Variants in ENDOU observed in about 807,000 individuals in gnomAD.
ENDOU encodes the protein uridylate-specific endoribonuclease.
ENDOU carries 49 observed loss-of-function variants against 54.2 expected under a neutral mutation model. The observed-to-expected ratio is 0.90, with a 90% CI of 0.72 to 1.15. ENDOU has a LOEUF of 1.15. Among genes scored for constraint, ENDOU ranks in the 50% most tolerant of loss-of-function variants. The probability of loss-of-function intolerance (pLI) is 0.00; values close to 1 mark genes in which losing one functional copy is unlikely to be tolerated. For missense variants in ENDOU, 458 were observed against 511.4 expected (o/e 0.90, Z 1.01); for synonymous variants, 172 against 190.5 (o/e 0.90, Z 0.80).
intron 6 of ENDOU, among the ~76,000 whole-genome samples, chr12:47,714,329 G>A (rs1269559445): frequency 6.6e-6 from 1 of 152,178 alleles, no homozygotes; most frequent in Non-Finnish European, 1.5e-5. Flanking sequence ...AGCCACTGAA[G>A]GATTTTAAGC....
intron 2 of ENDOU, 125 bp from the exon 3 acceptor site, chr12:47,718,319 G>C: frequency 1.3e-6 from 1 of 741,028 alleles, no homozygotes; most frequent in Admixed American, 2.3e-5. Context: ...TTCTGAACAG[G>C]GGCTGGGGTC....
At position 47,718,187 on chromosome 12, in the gene ENDOU, G is replaced by C; in HGVS notation, c.186C>G (p.His62Gln). ...GCTGTGGCAATGGCTCTGACTCTTTGTGGTCCTCTGCAGGTAGATAGAAAA... is the reference window on the plus strand; with the variant it reads ...GCTGTGGCAATGGCTCTGACTCTTTCTGGTCCTCTGCAGGTAGATAGAAAA... ...EDYEHLCTED[H>Q]KESEPLPQLE... The change falls in exon 3 of 10, where the codon CAC becomes CAG. Residue 62 changes from histidine to glutamine, a missense_variant. Transcript: ENST00000422538. 6.3e-7 allele frequency: 1 copy of C among 1,580,190 alleles called. No homozygotes were observed. The highest frequency in any genetic ancestry group is 1.3e-5 in the African/African-American group (1 of 74,584).
chr12:47,715,907 G>C (rs1940208919), intron 6 of ENDOU, among the ~76,000 whole-genome samples: 1 of 152,098 alleles, frequency 6.6e-6, no homozygotes, highest in Admixed American at 6.6e-5. Flanking sequence ...TAGAGTCAGC[G>C]ACTCTACCTG....
chr12:47,711,811 GT>G lies in ENDOU; in HGVS notation c.973-37del, dbSNP rs751332778. ...AAGGGCAGAAAAGGGGGTCTGGTGA[GT>G]GCCACAGAGTGGAGTAGAACGGGTG... On this transcript the variant is annotated intron_variant, in intron 8 of 9. Transcript: ENST00000422538. The G allele has an allele frequency of 6.2e-6, 10 of 1,612,328 alleles. No homozygotes were observed. In the East Asian group the frequency reaches 6.7e-5, roughly 11 times the overall value.
chr12:47,721,295 C>CA (rs1555185854), intron 1 of ENDOU, among the ~76,000 whole-genome samples: 1 of 151,470 alleles, frequency 6.6e-6, no homozygotes, highest in Non-Finnish European at 1.5e-5. Flanking sequence ...AGAGCCTTCC[C>CA]TTTTTTTTTC....
At chr12:47,711,391 T>C (rs1214160747) in intron 9 of ENDOU, among the ~76,000 whole-genome samples, 2 of 152,206 alleles carry the variant, frequency 1.3e-5, no homozygotes, top group African/African-American at 4.8e-5. Flanking sequence ...ATTAAGGTCC[T>C]GCGTAAGATT....
At chr12:47,721,017 C>T (rs1031378800) in intron 1 of ENDOU, 142 bp from the exon 2 acceptor site, 20 of 734,990 alleles carry the variant, frequency 2.7e-5, no homozygotes, top group Admixed American at 7.7e-5. Flanking sequence ...GAAGTACATC[C>T]ACAGCCTCCC....
rs1939950128 is a variant in ENDOU, at chr12:47,710,583, C to T, written c.*219G>A. 1 of 482,158 alleles carries T rather than the reference C, an allele frequency of 2.1e-6. No individual in the cohort carries two copies. The highest frequency in any genetic ancestry group is 2.3e-5 in the South Asian group (1 of 43,116). The allele number at this position is 482,158 out of a possible 1,614,324, so 29.9% of individuals were successfully genotyped here. On this transcript the variant is annotated 3_prime_UTR_variant, in exon 10 of 10. Transcript: ENST00000422538. ...GACTCTGTTTCTTAGTCAACATTGC[C>T]AAAATTCTAGAGGATAAAGGTTTGA...
At chr12:47,720,958 C>T (rs1940415407) in intron 1 of ENDOU, 83 bp from the exon 2 acceptor site, 1 of 1,382,820 alleles carries the variant, frequency 7.2e-7, no homozygotes, top group Non-Finnish European at 9.9e-7. Flanking sequence ...GTTCACAGAC[C>T]AGGGCAGGAG....
In ENDOU at chr12:47,710,092, T is replaced by G. The variant is rs1010519577; in HGVS notation, c.*710A>C. On this transcript the variant is annotated 3_prime_UTR_variant, in exon 10 of 10. Coordinates refer to ENST00000422538, the MANE Select transcript of ENDOU (RefSeq NM_001172439.2). ...AAACTTCTTGTTGCAGATACTGAGC[T>G]GGACACAAAAACACTCAGGCCTGGA... 4 of 152,276 alleles carry G rather than the reference T, an allele frequency of 2.6e-5. No homozygotes were observed. The highest frequency in any genetic ancestry group is 4.4e-5 in the Non-Finnish European group (3 of 68,032). 9.4% of individuals were successfully genotyped at this position (152,276 alleles called of 1,614,324 possible).
intron 7 of ENDOU, among the ~76,000 whole-genome samples, chr12:47,712,893 G>A (rs1364744839): frequency 6.6e-6 from 1 of 152,118 alleles, no homozygotes; most frequent in Non-Finnish European, 1.5e-5. Context: ...GCCAGGCTTG[G>A]TGGGAGTTTT....
rs900321519 is a variant in ENDOU, at chr12:47,716,618, G to A, written c.552-119C>T. The A allele has an allele frequency of 9.2e-6, 8 of 869,158 alleles. No homozygotes were observed. The Admixed American group carries it at 1.8e-4, about 19-fold the overall frequency. The allele number at this position is 869,158 out of a possible 1,614,324, so 53.8% of individuals were successfully genotyped here. ...AGGGCTGGGTTCAGGAGCCGAGGGGGCACTTCGGGTACTCTTGAAAGTCAC... is the reference window on the plus strand; with the variant it reads ...AGGGCTGGGTTCAGGAGCCGAGGGGACACTTCGGGTACTCTTGAAAGTCAC... On this transcript the variant is annotated intron_variant, in intron 5 of 9. Transcript: ENST00000422538.
chr12:47,713,902 A>G (rs1940134197), intron 6 of ENDOU, among the ~76,000 whole-genome samples: 1 of 152,222 alleles, frequency 6.6e-6, no homozygotes, highest in Non-Finnish European at 1.5e-5. Context: ...GGCAGACTTG[A>G]GTTTGCTACT....
intron 6 of ENDOU, among the ~76,000 whole-genome samples, 198 bp downstream of exon 6, chr12:47,716,102 A>C (rs1940218931): frequency 6.6e-6 from 1 of 152,064 alleles, no homozygotes. Flanking sequence ...CAGCCAGAGG[A>C]TGTGCCAGCT....
rs748907427 is a variant in ENDOU, at chr12:47,716,865, A to G, written c.551+25T>C. On this transcript the variant is annotated intron_variant, in intron 5 of 9. Coordinates refer to ENST00000422538, the MANE Select transcript of ENDOU (RefSeq NM_001172439.2). ...AGGATAGGGGCAAGATTTAGGGGGT[A>G]GAAAGAGGAATTGTGGGAACTCACG... The G allele has an allele frequency of 2.5e-6, 4 of 1,612,392 alleles. No homozygotes were observed. The African/African-American group carries it at 5.3e-5, about 22-fold the overall frequency.
intron 8 of ENDOU, among the ~76,000 whole-genome samples, 165 bp from the exon 9 acceptor site, chr12:47,711,940 T>C (rs1430083474): frequency 6.6e-6 from 1 of 152,128 alleles, no homozygotes; most frequent in African/African-American, 2.4e-5. Context: ...CAGTCTGCCT[T>C]GCTAAGGTGT....
chr12:47,715,710 G>A (rs1661900409), intron 6 of ENDOU, among the ~76,000 whole-genome samples: 1 of 152,206 alleles, frequency 6.6e-6, no homozygotes, highest in Admixed American at 6.5e-5. Flanking sequence ...TCCATGCCAA[G>A]AAGTCCTGCG....
rs776733555 is a variant in ENDOU at position 47,717,577 on chromosome 12, G to T, written c.323C>A (p.Ala108Asp). 5 of 1,614,180 alleles carry T rather than the reference G, an allele frequency of 3.1e-6. No homozygotes were observed. In the South Asian group the frequency reaches 5.5e-5, roughly 18 times the overall value. ...GCAGTTCCCAAACTCTTGGCAGCGG[G>T]CATTGCAGTGACATTGGTGGTGCTT... Reference protein sequence around the residue: ...FDKHHQCHCNARCQEFGNCCK... With the variant: ...FDKHHQCHCNDRCQEFGNCCK... Residue 108 changes from alanine to aspartate, a missense_variant, in exon 4 of 10, where the codon GCC (alanine) becomes GAC (aspartate). Physicochemically the swap from Ala to Asp is moderately radical, Grantham distance 126. Transcript: ENST00000422538.
At chr12:47,724,932 C>T (rs1274039146) in intron 1 of ENDOU, among the ~76,000 whole-genome samples, 1 of 152,184 alleles carries the variant, frequency 6.6e-6, no homozygotes, top group East Asian at 1.9e-4. Context: ...TAACATCACA[C>T]CCTAAACAAC....
Sources: gnomAD v4.1 joint callset for allele counts (sites outside exome capture counted in the v4.1 genomes callset) on GRCh38, gnomAD v4.1.1 for gene constraint, MANE v1.5 for transcripts, NCBI Gene and HGNC (gene_info 2026-07-23, HGNC 2026-07-21) for gene names.